TMEM41B: variants seen among roughly 807,000 people sequenced by gnomAD.
TMEM41B encodes the protein transmembrane protein 41B, also known as protein stasimon.
A neutral mutation model predicts 31.9 loss-of-function variants in TMEM41B; 18 were observed. The observed-to-expected ratio is 0.56, with a 90% CI of 0.39 to 0.84. The LOEUF (loss-of-function observed/expected upper bound fraction) is 0.84. Among genes scored for constraint, TMEM41B ranks in the 40% least tolerant of loss-of-function variants. The pLI is 0.00. For synonymous variants in TMEM41B, 144 were observed against 124.3 expected (o/e 1.16, Z -1.05); for missense variants, 322 against 348.0 (o/e 0.93, Z 0.59).
At chr11:9,305,253 C>T (rs888000840) in intron 1 of TMEM41B, among the ~76,000 whole-genome samples, 2 of 151,978 alleles carry the variant, frequency 1.3e-5, no homozygotes, top group Non-Finnish European at 2.9e-5. Context: ...AAAGCAAAGA[C>T]ACATTATACA....
At position 9,314,441 on chromosome 11, in the gene TMEM41B, TG is replaced by T. The variant is rs1853643257; in HGVS notation, c.-1del. On this transcript the variant is annotated 5_prime_UTR_variant, in exon 1 of 7. Coordinates refer to ENST00000528080, the MANE Select transcript of TMEM41B (RefSeq NM_015012.4). ...CGTTCGGCGACTCTGCCTTTCGCCATGGCTGCTGCAAGGTGAAGGGAGCGGT... is the reference window on the plus strand; with the variant it reads ...CGTTCGGCGACTCTGCCTTTCGCCATGCTGCTGCAAGGTGAAGGGAGCGGT... The T allele has an allele frequency of 6.4e-7, 1 of 1,555,708 alleles. No homozygotes were observed. The highest frequency in any genetic ancestry group is 1.4e-5 in the African/African-American group (1 of 73,140).
chr11:9,311,395 C>T (rs1853557198), intron 1 of TMEM41B: 9 of 1,424,374 alleles, frequency 6.3e-6, no homozygotes, highest in Non-Finnish European at 8.9e-6. Context: ...GCTGGTCCAA[C>T]CATGCCAGGA....
intron 6 of TMEM41B, 99 bp downstream of exon 6, chr11:9,286,356 G>A: frequency 8.1e-7 from 1 of 1,228,198 alleles, no homozygotes; most frequent in Non-Finnish European, 1.1e-6. Context: ...AGATGGTGCT[G>A]GCATAATCTG....
intron 6 of TMEM41B, 37 bp from the exon 7 acceptor site, chr11:9,283,630 C>T (rs72861351): frequency 0.05 from 77,612 of 1,540,716 alleles, 2,265 homozygotes; most frequent in Non-Finnish European, 0.058. Context: ...TAAAAACCAC[C>T]GCAATTGTTT....
chr11:9,284,776 A>AATAG (rs1554942138), intron 6 of TMEM41B, among the ~76,000 whole-genome samples: 1 of 151,232 alleles, frequency 6.6e-6, no homozygotes, highest in East Asian at 2.0e-4. Flanking sequence ...AAGAGAAAAA[A>AATAG]AAAGAAAGAA....
intron 3 of TMEM41B, among the ~76,000 whole-genome samples, chr11:9,291,996 G>A (rs182178190): frequency 6.0e-4 from 91 of 152,238 alleles, no homozygotes; most frequent in African/African-American, 1.9e-3. Context: ...GTTAGCCACC[G>A]TGCCTGGCCT....
chr11:9,295,526 A>G, intron 2 of TMEM41B, 139 bp from the exon 3 acceptor site: 1 of 594,350 alleles, frequency 1.7e-6, no homozygotes, highest in East Asian at 3.1e-5. Flanking sequence ...TTAAGTTTAA[A>G]AGTTTATAAT....
intron 2 of TMEM41B, among the ~76,000 whole-genome samples, chr11:9,298,063 CAAA>C (rs34802416): frequency 9.1e-4 from 76 of 83,928 alleles, no homozygotes; most frequent in Non-Finnish European, 8.6e-4. Context: ...GACCCTGCCT[CAAA>C]AAAAAAAAAA....
chr11:9,302,846 T>C lies in TMEM41B; in HGVS notation c.122-3145A>G, dbSNP rs192215780. 4.1e-5 allele frequency among the ~76,000 whole-genome samples: 4 copies of C among 98,138 alleles called. 2 individuals carry two copies. The highest frequency in any genetic ancestry group is 3.9e-4 in the Admixed American group (4 of 10,230). 64.4% of individuals were successfully genotyped at this position (98,138 alleles called of 152,430 possible). A position where few individuals can be genotyped will look rare whatever the true frequency, so the allele number is the denominator to read the frequency against. ...CAAAGAAGAAGGGTATACTATTTTT[T>C]AAAAAAAAATCCTGAGCCAGAGTGG... On this transcript the variant is annotated intron_variant, in intron 1 of 6. Coordinates refer to ENST00000528080, the MANE Select transcript of TMEM41B (RefSeq NM_015012.4).
At chr11:9,299,246 G>A (rs1853177096) in intron 2 of TMEM41B, among the ~76,000 whole-genome samples, 1 of 119,374 alleles carries the variant, frequency 8.4e-6, no homozygotes, top group African/African-American at 3.3e-5. Context: ...TCACGCCACT[G>A]CATTCCAGCC....
chr11:9,287,949 G>C, intron 4 of TMEM41B, 143 bp from the exon 5 acceptor site: 1 of 662,300 alleles, frequency 1.5e-6, no homozygotes, highest in South Asian at 1.8e-5. Flanking sequence ...GTGCAGAGAT[G>C]ATCTAGTACT....
chr11:9,295,018 G>A (rs1445125498), intron 3 of TMEM41B: 1 of 447,714 alleles, frequency 2.2e-6, no homozygotes, highest in East Asian at 6.4e-5. Flanking sequence ...GAAAATGTTT[G>A]GTAAGTGAAA....
chr11:9,301,833 C>T (rs923597889), intron 1 of TMEM41B, among the ~76,000 whole-genome samples: 8 of 152,044 alleles, frequency 5.3e-5, no homozygotes, highest in African/African-American at 1.4e-4. Flanking sequence ...CAAAGTGGTA[C>T]GCCGAAGACA....
rs1590367629 is a variant in TMEM41B at position 9,282,375 on chromosome 11, G to A, written c.*1049C>T. The A allele has an allele frequency of 6.8e-6, 1 of 147,812 alleles. No homozygotes were observed. Among genetic ancestry groups the A allele is most frequent in the African/African-American group, 2.5e-5 (1 of 40,170 alleles). 9.2% of individuals were successfully genotyped at this position (147,812 alleles called of 1,614,324 possible). On this transcript the variant is annotated 3_prime_UTR_variant, in exon 7 of 7. Coordinates refer to ENST00000528080, the MANE Select transcript of TMEM41B (RefSeq NM_015012.4). ...CCAGCCTGGGCAACAGCAAGACTCC[G>A]TCTCAAAAAAAAAAAAAATTATCAA...
Position 9,314,362 on chromosome 11 carries a change from G to T in TMEM41B, c.80C>A (p.Thr27Lys), listed in dbSNP as rs189862474. Reference protein sequence around the residue: ...TTPVGDGAAGTRGLAAPGSRD... With the variant: ...TTPVGDGAAGKRGLAAPGSRD... ...GCTGCCAGGCGCCGCGAGACCCCGC[G>T]TCCCCGCTGCCCCGTCCCCCACGGG... The change falls in exon 1 of 7, where the codon ACG becomes AAG. Residue 27 changes from threonine to lysine, a missense_variant. By Grantham distance (78) the Thr-to-Lys change is moderately conservative (BLOSUM62 -1). Transcript: ENST00000528080. 1.1e-4 allele frequency: 180 copies of T among 1,588,382 alleles called. No homozygotes were observed. The East Asian group carries it at 1.7e-3, about 15-fold the overall frequency.
chr11:9,287,234 C>T (rs956049609), intron 5 of TMEM41B, among the ~76,000 whole-genome samples: 1 of 151,954 alleles, frequency 6.6e-6, no homozygotes, highest in Non-Finnish European at 1.5e-5. Context: ...ATGCTTGAAC[C>T]GAGGAGGCAG....
chr11:9,290,416 T>A (rs1590374325), intron 3 of TMEM41B, among the ~76,000 whole-genome samples: 1 of 152,008 alleles, frequency 6.6e-6, no homozygotes, highest in South Asian at 2.1e-4. Context: ...ATGGATAGTT[T>A]CACACATATG....
intron 1 of TMEM41B, chr11:9,311,779 T>C: frequency 1.7e-6 from 1 of 587,982 alleles, no homozygotes; most frequent in Non-Finnish European, 3.1e-6. Flanking sequence ...CTGTCTGCTC[T>C]CTCATCTTCA....
At chr11:9,290,488 A>C (rs1010185745) in intron 3 of TMEM41B, among the ~76,000 whole-genome samples, 1 of 152,180 alleles carries the variant, frequency 6.6e-6, no homozygotes, top group African/African-American at 2.4e-5. Flanking sequence ...AACGTGGCAC[A>C]CATATACGTA....
Sources: gnomAD v4.1 joint callset for allele counts (sites outside exome capture counted in the v4.1 genomes callset) on GRCh38, gnomAD v4.1.1 for gene constraint, MANE v1.5 for transcripts, NCBI Gene and HGNC (gene_info 2026-07-23, HGNC 2026-07-21) for gene names.